The following UIMC1 variants were observed in gnomAD, a reference collection of about 807,000 sequenced individuals.
The protein encoded by UIMC1 is ubiquitin interaction motif containing 1.
A neutral mutation model predicts 84.9 loss-of-function variants in UIMC1; 42 were observed. That is an observed-to-expected ratio of 0.49 (90% CI 0.39 to 0.64). The LOEUF (loss-of-function observed/expected upper bound fraction) is 0.64. Ranked by LOEUF, UIMC1 falls within the 30% of genes least tolerant of loss-of-function variation. The pLI is 0.00. For synonymous variants in UIMC1, 281 were observed against 293.0 expected (o/e 0.96, Z 0.42); for missense variants, 825 against 847.6 (o/e 0.97, Z 0.33).
intron 10 of UIMC1, among the ~76,000 whole-genome samples, chr5:176,920,618 C>T (rs1761587972): frequency 6.6e-6 from 1 of 152,118 alleles, no homozygotes; most frequent in South Asian, 2.1e-4. Flanking sequence ...AGTTCATTTT[C>T]TATATTGACC....
chr5:176,905,567 G>A, intron 14 of UIMC1, 75 bp from the exon 15 acceptor site: 1 of 1,330,818 alleles, frequency 7.5e-7, no homozygotes, highest in Non-Finnish European at 1.0e-6. Context: ...ACTGTATCAG[G>A]GGATTTTACA....
chr5:177,008,172 G>C (rs1026538975), upstream of UIMC1, among the ~76,000 whole-genome samples: 1 of 151,292 alleles, frequency 6.6e-6, no homozygotes, highest in East Asian at 1.9e-4. Context: ...TAGGGTAATC[G>C]AACGTGGAAC....
upstream of UIMC1, among the ~76,000 whole-genome samples, chr5:177,007,886 C>T (rs1214393432): frequency 6.6e-6 from 1 of 152,156 alleles, no homozygotes; most frequent in African/African-American, 2.4e-5. Flanking sequence ...AGGCAGATCA[C>T]TTGAGGTCAG....
At chr5:176,941,075 C>T (rs1217767494) in intron 10 of UIMC1, among the ~76,000 whole-genome samples, 1 of 152,150 alleles carries the variant, frequency 6.6e-6, no homozygotes, top group Non-Finnish European at 1.5e-5. Context: ...GGCTAAGAGG[C>T]TCAGTACTGT....
chr5:176,994,305 C>A (rs1233192961), intron 1 of UIMC1, among the ~76,000 whole-genome samples: 5 of 151,894 alleles, frequency 3.3e-5, no homozygotes, highest in African/African-American at 1.2e-4. Flanking sequence ...TAAGGAAAAA[C>A]AAACAGATAT....
intron 10 of UIMC1, among the ~76,000 whole-genome samples, chr5:176,912,203 G>A (rs1478444376): frequency 6.6e-6 from 1 of 152,204 alleles, no homozygotes; most frequent in Non-Finnish European, 1.5e-5. Context: ...TATCTGTGGA[G>A]ACAGAGAGTA....
chr5:176,983,190 T>C (rs899258607), intron 1 of UIMC1, among the ~76,000 whole-genome samples: 2 of 152,150 alleles, frequency 1.3e-5, no homozygotes, highest in African/African-American at 2.4e-5. Context: ...CAAAACTGCA[T>C]TTCTTAACTT....
chr5:176,905,990 T>TC (rs760015351), intron 14 of UIMC1, 21 bp downstream of exon 14: 1 of 1,614,004 alleles, frequency 6.2e-7, no homozygotes, highest in Admixed American at 1.7e-5. Flanking sequence ...CAGCCACAAT[T>TC]CAGTGCACAA....
intron 4 of UIMC1, 116 bp downstream of exon 4, chr5:176,970,625 TG>T (rs781434704): frequency 1.3e-5 from 20 of 1,514,090 alleles, no homozygotes; most frequent in South Asian, 4.5e-5. Flanking sequence ...TGGGAATTTT[TG>T]TTAGGTGAAA....
At chr5:176,985,189 C>T (rs970120098) in intron 1 of UIMC1, among the ~76,000 whole-genome samples, 2 of 151,996 alleles carry the variant, frequency 1.3e-5, no homozygotes, top group Non-Finnish European at 2.9e-5. Context: ...GGCACAGTGG[C>T]TCATGCCTGT....
intron 9 of UIMC1, among the ~76,000 whole-genome samples, chr5:176,950,621 G>T (rs1480272422): frequency 6.6e-6 from 1 of 151,882 alleles, no homozygotes; most frequent in Non-Finnish European, 1.5e-5. Flanking sequence ...TGTAATCCCA[G>T]CACTTTGGGA....
intron 10 of UIMC1, among the ~76,000 whole-genome samples, chr5:176,934,995 GT>G (rs1561773917): frequency 6.6e-6 from 1 of 152,166 alleles, no homozygotes; most frequent in African/African-American, 2.4e-5. Flanking sequence ...CATTAACTTG[GT>G]TTTTTTGCTT....
At chr5:176,983,159 G>C (rs1771308585) in intron 1 of UIMC1, among the ~76,000 whole-genome samples, 1 of 151,954 alleles carries the variant, frequency 6.6e-6, no homozygotes. Context: ...AAAAGAAAAA[G>C]ATAACCCTAT....
intron 2 of UIMC1, among the ~76,000 whole-genome samples, chr5:176,981,054 T>G (rs1770958977): frequency 1.3e-5 from 2 of 152,164 alleles, no homozygotes; most frequent in Non-Finnish European, 2.9e-5. Context: ...CCCCTTGTTT[T>G]CTTCTCTATA....
intron 2 of UIMC1, among the ~76,000 whole-genome samples, chr5:176,978,979 G>C (rs1770577408): frequency 6.6e-6 from 1 of 152,116 alleles, no homozygotes. Context: ...AGCAAAAAAA[G>C]GTGTAAGTGC....
At chr5:176,905,523 T>C in intron 14 of UIMC1, 31 bp from the exon 15 acceptor site, 4 of 1,600,166 alleles carry the variant, frequency 2.5e-6, no homozygotes, top group East Asian at 2.2e-5. Context: ...TCAGATTCAA[T>C]ATACACCTAC....
intron 1 of UIMC1, among the ~76,000 whole-genome samples, chr5:177,005,964 G>C (rs936377205): frequency 2.0e-5 from 3 of 152,178 alleles, no homozygotes; most frequent in African/African-American, 7.2e-5. Flanking sequence ...CCCTGCGGGG[G>C]CGAAATCGTC....
chr5:176,970,638 C>A, intron 4 of UIMC1, 104 bp downstream of exon 4: 1 of 1,574,408 alleles, frequency 6.4e-7, no homozygotes, highest in Non-Finnish European at 8.7e-7. Flanking sequence ...TAGGTGAAAA[C>A]CCTATAAATG....
chr5:177,008,123 G>A (rs1581736134), upstream of UIMC1, among the ~76,000 whole-genome samples: 1 of 148,586 alleles, frequency 6.7e-6, no homozygotes, highest in East Asian at 2.0e-4. Context: ...AAAAAAGAGA[G>A]AGAGAGACCT....
Sources: gnomAD v4.1 joint callset for allele counts (sites outside exome capture counted in the v4.1 genomes callset) on GRCh38, gnomAD v4.1.1 for gene constraint, MANE v1.5 for transcripts, NCBI Gene and HGNC (gene_info 2026-07-23, HGNC 2026-07-21) for gene names.